Variants in DLC1 observed in about 807,000 individuals in gnomAD.
DLC1 encodes the protein DLC1 Rho GTPase activating protein, also known as rho GTPase-activating protein 7.
A neutral mutation model predicts 140.3 loss-of-function variants in DLC1; 54 were observed. The ratio of observed to expected loss-of-function variants is 0.38; its 90% confidence interval spans 0.31 to 0.48. The LOEUF (loss-of-function observed/expected upper bound fraction) is 0.48, where lower values mean the gene tolerates loss of function less well. Among genes scored for constraint, DLC1 ranks in the 20% least tolerant of loss-of-function variants. DLC1 has a pLI of 0.96. For synonymous variants in DLC1, 986 were observed against 728.1 expected (o/e 1.35, Z -5.70); for missense variants, 2,536 against 1,907.0 (o/e 1.33, Z -6.14).
rs1300558729 is a variant in DLC1 at position 13,341,441 on chromosome 8, C to G, written c.1315-36139G>C. Reference sequence around the variant, plus strand: ...GCCTGTTAAAATGCAAGTTACTGGCCCCCACACATGGTTTCTGATTCACTA... The same window carrying G: ...GCCTGTTAAAATGCAAGTTACTGGCGCCCACACATGGTTTCTGATTCACTA... On this transcript the variant is annotated intron_variant, in intron 4 of 17. Transcript: ENST00000276297. 8.0e-5 allele frequency: 12 copies of G among 150,924 alleles called. No homozygotes were observed. The East Asian group carries it at 2.3e-3, about 29-fold the overall frequency. The allele number at this position is 150,924 out of a possible 1,614,324, so 9.3% of individuals were successfully genotyped here. A position where few individuals can be genotyped will look rare whatever the true frequency, so the allele number is the denominator to read the frequency against.
chr8:13,369,177 T>G (rs928981572), intron 4 of DLC1, among the ~76,000 whole-genome samples: 1 of 152,244 alleles, frequency 6.6e-6, no homozygotes, highest in Admixed American at 6.5e-5. Context: ...CTCAATAGTC[T>G]GTAAGTGCCT....
At chr8:13,512,170 G>C (rs1802401736) in intron 1 of DLC1, among the ~76,000 whole-genome samples, 2 of 152,176 alleles carry the variant, frequency 1.3e-5, no homozygotes, top group South Asian at 2.1e-4. Context: ...GACATTGAAA[G>C]GAAGTGTTGA....
intron 5 of DLC1, among the ~76,000 whole-genome samples, chr8:13,180,959 G>A (rs972386554): frequency 3.3e-5 from 5 of 151,502 alleles, no homozygotes; most frequent in South Asian, 2.1e-4. Flanking sequence ...ACTATTTAGC[G>A]CTTGACATAT....
intron 5 of DLC1, among the ~76,000 whole-genome samples, chr8:13,240,303 A>G (rs1829484773): frequency 6.6e-6 from 1 of 152,218 alleles, no homozygotes; most frequent in African/African-American, 2.4e-5. Flanking sequence ...CTGGTAGTTC[A>G]AAGGAACATA....
chr8:13,202,920 C>T (rs74756279), intron 5 of DLC1, among the ~76,000 whole-genome samples: 8,111 of 152,134 alleles, frequency 0.053, 248 homozygotes, highest in Non-Finnish European at 0.065. Flanking sequence ...GTAATCCACC[C>T]GCCTCAGCCT....
At chr8:13,298,290 C>T (rs968878516) in intron 5 of DLC1, among the ~76,000 whole-genome samples, 2 of 152,098 alleles carry the variant, frequency 1.3e-5, no homozygotes, top group African/African-American at 4.8e-5. Context: ...CTTCAATGGC[C>T]CCCTTTACAC....
rs752588584 is a variant in DLC1, at chr8:13,088,480, C to T, written c.4292+7G>A. ...TTGTCACAAAAAAACAACTGGGAAG[C>T]GCTCACCTTAAAACAACGTAGTCTC... On this transcript the variant is annotated splice_region_variant and intron_variant, in intron 16 of 17. Coordinates refer to ENST00000276297, the MANE Select transcript of DLC1 (RefSeq NM_182643.3). 2.4e-5 allele frequency: 38 copies of T among 1,614,036 alleles called. No homozygotes were observed. The highest frequency in any genetic ancestry group is 1.3e-4 in the Admixed American group (8 of 60,012).
intron 2 of DLC1, among the ~76,000 whole-genome samples, chr8:13,466,418 C>G (rs1585156628): frequency 2.6e-5 from 4 of 152,334 alleles, no homozygotes; most frequent in Admixed American, 2.6e-4. Context: ...TCTAACCTAA[C>G]TCTCCTCCTG....
chr8:13,404,228 G>A (rs1469019699), intron 2 of DLC1, among the ~76,000 whole-genome samples: 2 of 152,160 alleles, frequency 1.3e-5, no homozygotes, highest in African/African-American at 2.4e-5. Context: ...ATGTTGGTAA[G>A]TGTTTAGCAA....
intron 2 of DLC1, among the ~76,000 whole-genome samples, chr8:13,492,832 G>C (rs1801323045): frequency 6.6e-6 from 1 of 152,168 alleles, no homozygotes; most frequent in Non-Finnish European, 1.5e-5. Context: ...TTTGTCATGA[G>C]ACGATATATT....
chr8:13,285,666 T>G (rs920092305), intron 5 of DLC1, among the ~76,000 whole-genome samples: 5 of 152,156 alleles, frequency 3.3e-5, no homozygotes, highest in Non-Finnish European at 5.9e-5. Flanking sequence ...TTGGAGAGAA[T>G]GTGGAGCAAC....
chr8:13,431,666 T>C (rs936963017), intron 2 of DLC1, among the ~76,000 whole-genome samples: 14 of 150,012 alleles, frequency 9.3e-5, no homozygotes, highest in Non-Finnish European at 1.9e-4. Context: ...AAGAATGTTC[T>C]GAGAAAAAAG....
At chr8:13,480,749 T>C (rs1800691232) in intron 2 of DLC1, among the ~76,000 whole-genome samples, 1 of 151,904 alleles carries the variant, frequency 6.6e-6, no homozygotes, top group Non-Finnish European at 1.5e-5. Context: ...ACTAAAAGTA[T>C]AAAAAATTTG....
intron 4 of DLC1, among the ~76,000 whole-genome samples, chr8:13,345,506 T>C (rs1834287076): frequency 6.7e-6 from 1 of 149,310 alleles, no homozygotes; most frequent in Non-Finnish European, 1.5e-5. Context: ...ATACTGAGCA[T>C]ATGTGGTTAA....
At chr8:13,601,476 C>G (rs558135533) in intron 1 of DLC1, among the ~76,000 whole-genome samples, 2 of 151,850 alleles carry the variant, frequency 1.3e-5, no homozygotes, top group Admixed American at 1.3e-4. Context: ...AAGGATTTTT[C>G]AGACTATGTG....
intron 1 of DLC1, among the ~76,000 whole-genome samples, chr8:13,537,120 T>C (rs1803309012): frequency 7.3e-6 from 1 of 137,392 alleles, no homozygotes; most frequent in Admixed American, 7.2e-5. Context: ...ACCATAACAG[T>C]ACATTAAAAA....
chr8:13,432,445 C>A (rs556072784), intron 2 of DLC1, among the ~76,000 whole-genome samples: 6 of 152,248 alleles, frequency 3.9e-5, no homozygotes, highest in Admixed American at 3.9e-4. Flanking sequence ...TGGAGACATT[C>A]GAATTCTTAT....
At position 13,174,633 on chromosome 8, in the gene DLC1, TTA is replaced by T. The variant is rs558832551; in HGVS notation, c.1349-58978_1349-58977del. On this transcript the variant is annotated intron_variant, in intron 5 of 17. Transcript: ENST00000276297. ...TGATGATTAGTGATGATAAGCATTT[TTA>T]TATGTTTGTTGGCTGCTTGTATGTC... Among the ~76,000 whole-genome samples, 268 of 152,352 alleles carry T rather than the reference TTA, an allele frequency of 1.8e-3. 1 individual carries two copies. The highest frequency in any genetic ancestry group is 5.2e-3 in the African/African-American group (215 of 41,586).
intron 2 of DLC1, among the ~76,000 whole-genome samples, chr8:13,448,239 G>A (rs2116954945): frequency 6.6e-6 from 1 of 152,148 alleles, no homozygotes; most frequent in African/African-American, 2.4e-5. Context: ...ATGGAAAAAA[G>A]GTTGGGAATG....
Sources: allele counts gnomAD v4.1 joint callset (sites outside exome capture counted in the v4.1 genomes callset), GRCh38; gene constraint gnomAD v4.1.1; transcripts MANE v1.5; gene names NCBI Gene and HGNC (gene_info 2026-07-23, HGNC 2026-07-21).